TSPAN15: variants seen among roughly 807,000 people sequenced by gnomAD.
The protein encoded by TSPAN15 is tetraspanin-15.
TSPAN15 carries 20 observed loss-of-function variants against 34.5 expected under a neutral mutation model. The observed-to-expected ratio is 0.58, with a 90% CI of 0.41 to 0.84. The LOEUF (loss-of-function observed/expected upper bound fraction) is 0.84. TSPAN15 is among the 40% of genes least tolerant of loss of function. The pLI, the probability that TSPAN15 is intolerant of heterozygous loss-of-function variation, is 0.00. For missense variants in TSPAN15, 313 were observed against 386.1 expected, an observed-to-expected ratio of 0.81 and a Z score of 1.59; for synonymous variants, 155 against 153.9, an observed-to-expected ratio of 1.01 and a Z score of -0.05.
chr10:69,466,899 G>A (rs35038435), intron 1 of TSPAN15, among the ~76,000 whole-genome samples: 25,343 of 152,196 alleles, frequency 0.17, 2,627 homozygotes, highest in Non-Finnish European at 0.23. Flanking sequence ...GGCAGTTGGC[G>A]CTCTGAGGGA....
chr10:69,470,016 T>A (rs1357579114), intron 1 of TSPAN15, among the ~76,000 whole-genome samples: 1 of 152,228 alleles, frequency 6.6e-6, no homozygotes, highest in Non-Finnish European at 1.5e-5. Flanking sequence ...GTGGTGATAT[T>A]TTACCCAATT....
chr10:69,512,456 A>G (rs1842424517), downstream of TSPAN15, among the ~76,000 whole-genome samples: 1 of 152,258 alleles, frequency 6.6e-6, no homozygotes, highest in Non-Finnish European at 1.5e-5. Flanking sequence ...TATACTGGAT[A>G]TAAAATAAAC....
At chr10:69,543,561 C>T in the TSPAN15 span, among the ~76,000 whole-genome samples, 1 of 152,106 alleles carries the variant, frequency 6.6e-6, no homozygotes, top group Non-Finnish European at 1.5e-5. Flanking sequence ...GGGCTGGGCA[C>T]ACTTGTAGGT....
intron 1 of TSPAN15, among the ~76,000 whole-genome samples, chr10:69,464,086 G>A (rs972360847): frequency 6.6e-6 from 1 of 152,164 alleles, no homozygotes; most frequent in African/African-American, 2.4e-5. Flanking sequence ...CAGACAAACC[G>A]AGCAACTCTG....
At chr10:69,537,327 A>G in the TSPAN15 span, among the ~76,000 whole-genome samples, 1 of 152,190 alleles carries the variant, frequency 6.6e-6, no homozygotes, top group African/African-American at 2.4e-5. Flanking sequence ...CTGAAGTCTG[A>G]TTTCTACTGA....
At chr10:69,544,170 G>A in the TSPAN15 span, among the ~76,000 whole-genome samples, 804 of 152,158 alleles carry the variant, frequency 5.3e-3, 11 homozygotes, top group African/African-American at 0.018. Context: ...GTCATCAAAG[G>A]CCCATTATAC....
the TSPAN15 span, among the ~76,000 whole-genome samples, chr10:69,518,873 C>T: frequency 2.6e-5 from 4 of 152,128 alleles, no homozygotes; most frequent in African/African-American, 9.7e-5. Flanking sequence ...AGGCCCTGGG[C>T]TTAGGGGATT....
chr10:69,482,075 A>C lies in TSPAN15; in HGVS notation c.97-1616A>C, dbSNP rs1182500925. ...TAGTGAGGAAGACAAATTCAAAAAA[A>C]AAAAAAACCAACCAGAAATAGTGTA... is the stretch of plus-strand genomic sequence containing the variant. On this transcript the variant is annotated intron_variant, in intron 1 of 7. Coordinates refer to ENST00000373290, the MANE Select transcript of TSPAN15 (RefSeq NM_012339.5). Among the ~76,000 whole-genome samples the C allele has an allele frequency of 2.0e-5, 3 of 152,154 alleles. No individual in the cohort carries two copies. The East Asian group carries it at 5.8e-4, about 29-fold the overall frequency.
At chr10:69,522,375 C>CAAA in the TSPAN15 span, among the ~76,000 whole-genome samples, 309 of 47,322 alleles carry the variant, frequency 6.5e-3, no homozygotes, top group East Asian at 0.013. Flanking sequence ...GACCTTGTCT[C>CAAA]AAAAAAAAAA....
downstream of TSPAN15, among the ~76,000 whole-genome samples, chr10:69,512,494 C>T (rs764058876): frequency 6.6e-6 from 1 of 152,170 alleles, no homozygotes; most frequent in Non-Finnish European, 1.5e-5. Flanking sequence ...ACAAATGTGT[C>T]AGTGAAACCA....
intron 1 of TSPAN15, among the ~76,000 whole-genome samples, chr10:69,453,991 C>T (rs750570423): frequency 1.3e-5 from 2 of 152,236 alleles, no homozygotes; most frequent in African/African-American, 2.4e-5. Flanking sequence ...GGGCAGGGCC[C>T]AGTGTGAGTA....
chr10:69,503,291 G>T (rs186038643), intron 5 of TSPAN15, among the ~76,000 whole-genome samples: 2 of 152,326 alleles, frequency 1.3e-5, no homozygotes, highest in East Asian at 3.9e-4. Flanking sequence ...CTCTCGGAAG[G>T]AGAGAAGACA....
chr10:69,517,191 G>A, the TSPAN15 span, among the ~76,000 whole-genome samples: 1 of 152,242 alleles, frequency 6.6e-6, no homozygotes, highest in East Asian at 1.9e-4. Context: ...CCTTCCTCTC[G>A]CTGCTCCTGT....
intron 5 of TSPAN15, among the ~76,000 whole-genome samples, chr10:69,503,822 T>C (rs1842262487): frequency 6.6e-6 from 1 of 152,184 alleles, no homozygotes; most frequent in Admixed American, 6.5e-5. Context: ...AGGGCCTGCC[T>C]GGGGAGGGGT....
At chr10:69,501,982 C>T (rs1467712252) in intron 5 of TSPAN15, among the ~76,000 whole-genome samples, 2 of 152,054 alleles carry the variant, frequency 1.3e-5, no homozygotes, top group Admixed American at 1.3e-4. Context: ...CCCCCACCCC[C>T]CCGCACCCCA....
chr10:69,455,534 CTTTCTTTCTT>C (rs1564595423), intron 1 of TSPAN15, among the ~76,000 whole-genome samples: 5 of 147,240 alleles, frequency 3.4e-5, no homozygotes, highest in Non-Finnish European at 6.0e-5. Context: ...CTTTCTTTCT[CTTTCTTTCTT>C]TCTTCTCTCT....
downstream of TSPAN15, among the ~76,000 whole-genome samples, chr10:69,512,572 G>A (rs1031423095): frequency 1.3e-5 from 2 of 152,172 alleles, no homozygotes; most frequent in Non-Finnish European, 2.9e-5. Context: ...TTTGTAATCT[G>A]TTTATTATAG....
At chr10:69,483,057 C>T (rs962442946) in intron 1 of TSPAN15, among the ~76,000 whole-genome samples, 4 of 152,016 alleles carry the variant, frequency 2.6e-5, no homozygotes, top group Non-Finnish European at 4.4e-5. Flanking sequence ...GGCACAATCT[C>T]GGCTCACTGC....
intron 3 of TSPAN15, among the ~76,000 whole-genome samples, chr10:69,489,739 T>C (rs1841928979): frequency 6.6e-6 from 1 of 152,228 alleles, no homozygotes; most frequent in African/African-American, 2.4e-5. Context: ...GGCCTGACAG[T>C]CGGACTGGTG....
Sources: gnomAD v4.1 joint callset for allele counts (sites outside exome capture counted in the v4.1 genomes callset) on GRCh38, gnomAD v4.1.1 for gene constraint, MANE v1.5 for transcripts, NCBI Gene and HGNC (gene_info 2026-07-23, HGNC 2026-07-21) for gene names.